Variants in AFF3 observed in about 807,000 individuals in gnomAD.
AFF3 encodes ALF transcription elongation factor 3, also known as AF4/FMR2 family member 3.
In AFF3, 32 loss-of-function variants were observed where a neutral mutation model predicts 129.7. That is an observed-to-expected ratio of 0.25 (90% CI 0.19 to 0.33). AFF3 has a LOEUF of 0.33. Ranked by LOEUF, AFF3 falls within the 10% of genes least tolerant of loss-of-function variation. The probability of loss-of-function intolerance (pLI) is 1.00; values close to 1 mark genes in which losing one functional copy is unlikely to be tolerated. For missense variants in AFF3, 1,373 were observed against 1,592.0 expected (o/e 0.86, Z 2.34); for synonymous variants, 644 against 635.4 (o/e 1.01, Z -0.20).
In AFF3 at chr2:99,549,652, A is replaced by G. The variant is rs529643027; in HGVS notation, c.*1822T>C. 9.0e-5 allele frequency: 19 copies of G among 211,304 alleles called. No individual in the cohort carries two copies. The highest frequency in any genetic ancestry group is 3.8e-4 in the African/African-American group (17 of 44,248). The allele number at this position is 211,304 out of a possible 1,614,324, so 13.1% of individuals were successfully genotyped here. A position where few individuals can be genotyped will look rare whatever the true frequency, so the allele number is the denominator to read the frequency against. ...CATGTAAAATGGAAATTCTCTTAAT[A>G]TTTCCAAATGCTTGAAGGCCAAAGC... On this transcript the variant is annotated 3_prime_UTR_variant, in exon 25 of 25. Transcript: ENST00000672756.
intron 4 of AFF3, among the ~76,000 whole-genome samples, chr2:100,039,319 G>A (rs1001435567): frequency 6.6e-6 from 1 of 152,160 alleles, no homozygotes; most frequent in Admixed American, 6.5e-5. Context: ...AGGGCTTTAG[G>A]AGACCTAGAC....
chr2:99,727,604 C>A (rs1679466345), intron 10 of AFF3, among the ~76,000 whole-genome samples: 1 of 149,456 alleles, frequency 6.7e-6, no homozygotes. Flanking sequence ...CTCTGTCACC[C>A]AGGCTGGAGT....
At chr2:99,824,813 G>A (rs1433470797) in intron 8 of AFF3, among the ~76,000 whole-genome samples, 1 of 152,148 alleles carries the variant, frequency 6.6e-6, no homozygotes, top group African/African-American at 2.4e-5. Context: ...TGCTGCACAC[G>A]GCACTTTTCT....
At chr2:99,631,227 C>G (rs1300323347) in intron 13 of AFF3, among the ~76,000 whole-genome samples, 3 of 152,226 alleles carry the variant, frequency 2.0e-5, no homozygotes, top group East Asian at 1.9e-4. Context: ...TTAAGCTGGA[C>G]TTCTCTCCAC....
chr2:99,684,237 GT>G (rs1674813129), intron 11 of AFF3, among the ~76,000 whole-genome samples: 1 of 152,206 alleles, frequency 6.6e-6, no homozygotes, highest in Admixed American at 6.5e-5. Context: ...CAGCCATGGG[GT>G]CATTTAAGAC....
Position 99,896,528 on chromosome 2 carries a change from G to T in AFF3, c.874-59004C>A, listed in dbSNP as rs557286716. 3.3e-4 allele frequency among the ~76,000 whole-genome samples: 47 copies of T among 144,130 alleles called. 1 individual carries two copies. In the South Asian group the frequency reaches 0.011, roughly 33 times the overall value. 94.6% of individuals were successfully genotyped at this position (144,130 alleles called of 152,430 possible). On this transcript the variant is annotated intron_variant, in intron 7 of 24. Coordinates refer to ENST00000672756, the MANE Select transcript of AFF3 (RefSeq NM_001386135.1). ...ACTGTCACCCAAGAACCTGTCAGAA[G>T]TTTCCAGCTGAAGTGAAGCAGATTT...
At chr2:99,557,389 C>T (rs12999582) in intron 22 of AFF3, among the ~76,000 whole-genome samples, 20,973 of 151,428 alleles carry the variant, frequency 0.14, 1,660 homozygotes, top group South Asian at 0.24. Context: ...AAACGATTCT[C>T]GTGCCTCAGC....
chr2:99,878,471 C>T (rs1241190638), intron 7 of AFF3, among the ~76,000 whole-genome samples: 3 of 152,088 alleles, frequency 2.0e-5, no homozygotes, highest in African/African-American at 7.2e-5. Flanking sequence ...CAAATTAACT[C>T]AAAGTCTCAT....
chr2:99,605,570 T>C (rs1394244001), intron 13 of AFF3, among the ~76,000 whole-genome samples: 1 of 150,922 alleles, frequency 6.6e-6, no homozygotes, highest in Non-Finnish European at 1.5e-5. Flanking sequence ...TTGCAGCTGC[T>C]TTACCCATCG....
chr2:99,933,412 C>T lies in AFF3; in HGVS notation c.873+73220G>A, dbSNP rs116850516. Among the ~76,000 whole-genome samples the T allele has an allele frequency of 3.9e-3, 588 of 152,064 alleles. 31 individuals carry two copies. The East Asian group carries it at 0.11, about 28-fold the overall frequency. ...GGTATACGTGTGCTTTGGTGGTTTG[C>T]TGCACCCACCAACCCATCTTCCAGG... On this transcript the variant is annotated intron_variant, in intron 7 of 24. Coordinates refer to ENST00000672756, the MANE Select transcript of AFF3 (RefSeq NM_001386135.1).
At chr2:99,671,830 T>C (rs1042212989) in intron 12 of AFF3, among the ~76,000 whole-genome samples, 1 of 152,162 alleles carries the variant, frequency 6.6e-6, no homozygotes, top group Non-Finnish European at 1.5e-5. Flanking sequence ...TGCTTTGAAA[T>C]ACAAACATTT....
chr2:99,569,237 G>A (rs960313319), intron 18 of AFF3, among the ~76,000 whole-genome samples: 1 of 151,892 alleles, frequency 6.6e-6, no homozygotes. Context: ...TCTTATTTTA[G>A]GTAATATTTA....
rs1369154496 is a variant in AFF3 at position 100,009,002 on chromosome 2, G to T, written c.54-70C>A. The stretch of plus-strand genomic sequence containing the variant: ...AACTGTAAAGCCCAATGTAACACTT[G>T]TGTGAGTGCAGAAGTCTGGTTCGTG... On this transcript the variant is annotated intron_variant, in intron 4 of 24. Transcript: ENST00000672756. 3.2e-6 allele frequency: 5 copies of T among 1,567,968 alleles called. No individual in the cohort carries two copies. The African/African-American group carries it at 6.8e-5, about 21-fold the overall frequency.
intron 8 of AFF3, among the ~76,000 whole-genome samples, chr2:99,820,364 G>A (rs780858098): frequency 2.6e-5 from 4 of 152,068 alleles, no homozygotes; most frequent in African/African-American, 9.7e-5. Context: ...CATAGAAAAG[G>A]TGCAGTAAAA....
chr2:99,897,394 C>T (rs183458507), intron 7 of AFF3, among the ~76,000 whole-genome samples: 4 of 152,246 alleles, frequency 2.6e-5, no homozygotes, highest in Admixed American at 6.5e-5. Context: ...TTCATAGAAT[C>T]GTAGGAGTGA....
intron 7 of AFF3, among the ~76,000 whole-genome samples, chr2:99,922,459 G>C (rs569235592): frequency 6.6e-6 from 1 of 152,282 alleles, no homozygotes; most frequent in Admixed American, 6.5e-5. Context: ...TGGATAAAAA[G>C]AAGCCAGAAA....
chr2:100,011,841 T>C (rs1682579850), intron 4 of AFF3, among the ~76,000 whole-genome samples: 1 of 152,114 alleles, frequency 6.6e-6, no homozygotes, highest in Non-Finnish European at 1.5e-5. Context: ...CAAAATTAAT[T>C]AGGCAGATAT....
intron 16 of AFF3, among the ~76,000 whole-genome samples, chr2:99,584,524 C>G (rs1297961354): frequency 2.7e-5 from 4 of 147,854 alleles, no homozygotes; most frequent in African/African-American, 4.9e-5. Context: ...GTAGAAGTTA[C>G]AGTTTCTGAT....
chr2:99,734,616 T>A (rs1441866270), intron 10 of AFF3, among the ~76,000 whole-genome samples: 2 of 152,110 alleles, frequency 1.3e-5, no homozygotes, highest in South Asian at 2.1e-4. Flanking sequence ...TTTTCTTAAT[T>A]TATTGAAACA....
Sources: gnomAD v4.1 joint callset for allele counts (sites outside exome capture counted in the v4.1 genomes callset) on GRCh38, gnomAD v4.1.1 for gene constraint, MANE v1.5 for transcripts, NCBI Gene and HGNC (gene_info 2026-07-23, HGNC 2026-07-21) for gene names.